The following EPB41L2 variants were observed in gnomAD, a reference collection of about 807,000 sequenced individuals.
The protein encoded by EPB41L2 is erythrocyte membrane protein band 4.1 like 2.
Under a neutral mutation model 113.0 loss-of-function variants are expected in EPB41L2, and 43 were observed. That is an observed-to-expected ratio of 0.38 (90% CI 0.30 to 0.49). The LOEUF (loss-of-function observed/expected upper bound fraction) is 0.49. Among genes scored for constraint, EPB41L2 ranks in the 20% least tolerant of loss-of-function variants. The probability of loss-of-function intolerance (pLI) is 0.95; values close to 1 mark genes in which losing one functional copy is unlikely to be tolerated. For missense variants in EPB41L2, 1,147 were observed against 1,223.4 expected (o/e 0.94, Z 0.93); for synonymous variants, 442 against 436.7 (o/e 1.01, Z -0.15).
intron 12 of EPB41L2, among the ~76,000 whole-genome samples, chr6:130,884,322 C>A (rs758149755): frequency 6.6e-6 from 1 of 151,808 alleles, no homozygotes; most frequent in Non-Finnish European, 1.5e-5. Context: ...GCAACAAGAG[C>A]GAAACTTCAT....
chr6:130,874,681 G>T (rs1036512001), intron 14 of EPB41L2, among the ~76,000 whole-genome samples: 1 of 152,152 alleles, frequency 6.6e-6, no homozygotes, highest in Non-Finnish European at 1.5e-5. Context: ...GAGAGGAAAA[G>T]AACAGAAAAA....
intron 4 of EPB41L2, among the ~76,000 whole-genome samples, chr6:130,912,487 C>T (rs1799728999): frequency 6.6e-6 from 1 of 152,164 alleles, no homozygotes; most frequent in Admixed American, 6.5e-5. Context: ...GTGTACATGG[C>T]TCTGTTCTAA....
At chr6:130,920,943 A>T (rs1336868058) in intron 4 of EPB41L2, among the ~76,000 whole-genome samples, 1 of 152,106 alleles carries the variant, frequency 6.6e-6, no homozygotes, top group Non-Finnish European at 1.5e-5. Flanking sequence ...AGCATACCTC[A>T]AACTGCTGCT....
chr6:130,874,346 A>G, intron 14 of EPB41L2, among the ~76,000 whole-genome samples: 1 of 148,518 alleles, frequency 6.7e-6, no homozygotes, highest in South Asian at 2.2e-4. Flanking sequence ...AAGTGGTCAA[A>G]TTATATACTT....
chr6:130,976,737 C>T (rs1192130952), intron 1 of EPB41L2, among the ~76,000 whole-genome samples: 1 of 152,178 alleles, frequency 6.6e-6, no homozygotes, highest in South Asian at 2.1e-4. Context: ...GTCAAAAGCA[C>T]CACTTTTTAA....
At chr6:130,883,013 T>A (rs1296874021) in intron 12 of EPB41L2, 1 of 152,676 alleles carries the variant, frequency 6.5e-6, no homozygotes, top group African/African-American at 2.4e-5. Context: ...TGTGGAAAGG[T>A]GCTCTAAGCT....
chr6:130,907,795 C>A (rs1039793391), intron 5 of EPB41L2, among the ~76,000 whole-genome samples: 14 of 152,004 alleles, frequency 9.2e-5, no homozygotes, highest in African/African-American at 3.1e-4. Context: ...ATGAAAAGGG[C>A]AAGAAGGGAA....
At chr6:130,952,944 G>C (rs1467856435) in intron 3 of EPB41L2, among the ~76,000 whole-genome samples, 1 of 150,162 alleles carries the variant, frequency 6.7e-6, no homozygotes, top group Non-Finnish European at 1.5e-5. Context: ...TTTTAAAAAA[G>C]AGAACAAAGA....
intron 4 of EPB41L2, among the ~76,000 whole-genome samples, chr6:130,920,785 C>T (rs1376920559): frequency 6.6e-6 from 1 of 152,162 alleles, no homozygotes. Flanking sequence ...GCTGGGATTA[C>T]AGGTATGAGC....
intron 10 of EPB41L2, 104 bp downstream of exon 10, chr6:130,894,240 A>C: frequency 1.1e-6 from 1 of 889,604 alleles, no homozygotes; most frequent in African/African-American, 1.6e-5. Flanking sequence ...GGCTGGTCTC[A>C]AACTCCTGGG....
chr6:130,972,905 A>AC, intron 1 of EPB41L2, among the ~76,000 whole-genome samples: 1 of 132,190 alleles, frequency 7.6e-6, no homozygotes, highest in East Asian at 2.6e-4. Flanking sequence ...CAGCCTGGCC[A>AC]CCATGGTGAA....
chr6:131,042,972 G>A (rs1469836189), intron 1 of EPB41L2, among the ~76,000 whole-genome samples: 2 of 152,112 alleles, frequency 1.3e-5, no homozygotes, highest in Non-Finnish European at 1.5e-5. Flanking sequence ...TGGGGAATTT[G>A]GCTTAGGCTG....
At chr6:131,011,216 T>C (rs935739977) in intron 1 of EPB41L2, among the ~76,000 whole-genome samples, 3 of 152,162 alleles carry the variant, frequency 2.0e-5, no homozygotes, top group Admixed American at 2.0e-4. Flanking sequence ...ATATGCAAAG[T>C]AGCATAAGAA....
intron 14 of EPB41L2, among the ~76,000 whole-genome samples, chr6:130,874,355 T>G (rs1786786802): frequency 7.4e-6 from 1 of 136,008 alleles, no homozygotes; most frequent in Non-Finnish European, 1.6e-5. Context: ...AATTATATAC[T>G]TATGCATAAT....
intron 1 of EPB41L2, among the ~76,000 whole-genome samples, chr6:130,993,624 G>C (rs1043958743): frequency 9.2e-5 from 14 of 152,258 alleles, no homozygotes; most frequent in South Asian, 4.1e-4. Context: ...CGATCTTCAG[G>C]GGGTATGTGT....
At chr6:131,050,908 G>A (rs1796387495) in intron 1 of EPB41L2, among the ~76,000 whole-genome samples, 1 of 152,108 alleles carries the variant, frequency 6.6e-6, no homozygotes. Flanking sequence ...GAATATTCAA[G>A]TATATGTGTG....
Position 131,059,615 on chromosome 6 carries a change from C to T in EPB41L2, c.-15+3540G>A, listed in dbSNP as rs576226381. On this transcript the variant is annotated intron_variant, in intron 1 of 19. Transcript: ENST00000337057. ...TTCTGTCTAGAATTGGTGACAGAATCGCATACAAATCTTCTATTTGCTCAG... is the reference window on the plus strand; with the variant it reads ...TTCTGTCTAGAATTGGTGACAGAATTGCATACAAATCTTCTATTTGCTCAG... 2.9e-4 allele frequency among the ~76,000 whole-genome samples: 44 copies of T among 152,262 alleles called. No individual in the cohort carries two copies. In the South Asian group the frequency reaches 8.1e-3, roughly 28 times the overall value.
At chr6:130,931,436 AG>A (rs1401430685) in intron 3 of EPB41L2, among the ~76,000 whole-genome samples, 1 of 152,192 alleles carries the variant, frequency 6.6e-6, no homozygotes, top group Non-Finnish European at 1.5e-5. Context: ...AACCTAAAAC[AG>A]ATGTGCTTTG....
chr6:130,872,578 AAGTC>A (rs762976287), intron 14 of EPB41L2: 1 of 1,267,730 alleles, frequency 7.9e-7, no homozygotes, highest in Non-Finnish European at 1.0e-6. Context: ...AATTAGCAAT[AAGTC>A]AGAACAGACA....
Sources: gnomAD v4.1 joint callset for allele counts (sites outside exome capture counted in the v4.1 genomes callset) on GRCh38, gnomAD v4.1.1 for gene constraint, MANE v1.5 for transcripts, NCBI Gene and HGNC (gene_info 2026-07-23, HGNC 2026-07-21) for gene names.